The following TSPAN12 variants were observed in gnomAD, a reference collection of about 807,000 sequenced individuals.
TSPAN12 encodes tetraspanin-12.
A neutral mutation model predicts 39.2 loss-of-function variants in TSPAN12; 19 were observed. The ratio of observed to expected loss-of-function variants is 0.49; its 90% CI spans 0.34 to 0.71. The LOEUF (loss-of-function observed/expected upper bound fraction) is 0.71. Among genes scored for constraint, TSPAN12 ranks in the 30% least tolerant of loss-of-function variants. The pLI, the probability that TSPAN12 is intolerant of heterozygous loss-of-function variation, is 0.01. For missense variants in TSPAN12, 314 were observed against 359.9 expected (o/e 0.87, Z 1.03); for synonymous variants, 119 against 124.8 (o/e 0.95, Z 0.31).
chr7:120,828,335 G>C (rs1187322900), intron 4 of TSPAN12, among the ~76,000 whole-genome samples: 1 of 152,122 alleles, frequency 6.6e-6, no homozygotes. Flanking sequence ...CAAAACTTCA[G>C]ATCACAGAGT....
In TSPAN12 at chr7:120,800,211, T is replaced by A. The variant is rs2116326159; in HGVS notation, c.612+6338A>T. On this transcript the variant is annotated intron_variant, in intron 7 of 7. Coordinates refer to ENST00000222747, the MANE Select transcript of TSPAN12 (RefSeq NM_012338.4). ...GAGTGTGAATTCATGAACTCAAACATCATACAACACTCAACGGAGAGAATA... is the reference window on the plus strand; with the variant it reads ...GAGTGTGAATTCATGAACTCAAACAACATACAACACTCAACGGAGAGAATA... Among the ~76,000 whole-genome samples the A allele has an allele frequency of 2.6e-5, 4 of 152,142 alleles. No individual in the cohort carries two copies. In the South Asian group the frequency reaches 8.3e-4, roughly 32 times the overall value.
chr7:120,827,374 A>G (rs1316295031), intron 4 of TSPAN12, among the ~76,000 whole-genome samples: 3 of 152,218 alleles, frequency 2.0e-5, no homozygotes, highest in Non-Finnish European at 4.4e-5. Flanking sequence ...AAATATATTC[A>G]TGCACATACA....
intron 2 of TSPAN12, among the ~76,000 whole-genome samples, chr7:120,841,642 T>G (rs1309813192): frequency 9.3e-6 from 1 of 108,078 alleles, no homozygotes; most frequent in Non-Finnish European, 2.0e-5. Flanking sequence ...TATTATTTTT[T>G]AAAAGGTCTT....
chr7:120,819,528 T>C (rs1794148043), intron 4 of TSPAN12, among the ~76,000 whole-genome samples: 1 of 152,158 alleles, frequency 6.6e-6, no homozygotes, highest in Non-Finnish European at 1.5e-5. Flanking sequence ...TCAGGAACAC[T>C]GATTTGTTTG....
intron 4 of TSPAN12, among the ~76,000 whole-genome samples, chr7:120,827,374 A>T (rs1316295031): frequency 6.6e-6 from 1 of 152,218 alleles, no homozygotes; most frequent in African/African-American, 2.4e-5. Context: ...AAATATATTC[A>T]TGCACATACA....
At chr7:120,849,763 G>GT (rs1794736634) in intron 2 of TSPAN12, among the ~76,000 whole-genome samples, 1 of 152,122 alleles carries the variant, frequency 6.6e-6, no homozygotes, top group Non-Finnish European at 1.5e-5. Context: ...TTTTTCTGGT[G>GT]TTTTTTTCTG....
At chr7:120,839,943 G>T in intron 3 of TSPAN12, 84 bp downstream of exon 3, 1 of 1,133,634 alleles carries the variant, frequency 8.8e-7, no homozygotes, top group Non-Finnish European at 1.3e-6. Context: ...AAAGATCAAG[G>T]AAGAGCACTA....
chr7:120,812,471 A>C (rs761299662), intron 5 of TSPAN12, among the ~76,000 whole-genome samples: 1 of 152,218 alleles, frequency 6.6e-6, no homozygotes, highest in Non-Finnish European at 1.5e-5. Flanking sequence ...TGAGCAAATA[A>C]GGCTCCAACA....
chr7:120,807,341 T>C (rs1029005219), intron 6 of TSPAN12, among the ~76,000 whole-genome samples: 18 of 152,128 alleles, frequency 1.2e-4, no homozygotes, highest in Admixed American at 2.0e-4. Context: ...TAAAATTGGA[T>C]TTAAGAAAAA....
chr7:120,857,643 G>A (rs1794900714), intron 1 of TSPAN12, among the ~76,000 whole-genome samples, 177 bp downstream of exon 1: 1 of 152,092 alleles, frequency 6.6e-6, no homozygotes, highest in Admixed American at 6.5e-5. Context: ...CAAAGCGAGC[G>A]CGGCCACCGA....
intron 5 of TSPAN12, 56 bp downstream of exon 5, chr7:120,815,673 A>G: frequency 1.4e-6 from 2 of 1,471,966 alleles, no homozygotes; most frequent in Non-Finnish European, 1.9e-6. Flanking sequence ...ACAAGTATCT[A>G]ATTTAAAAGG....
intron 7 of TSPAN12, among the ~76,000 whole-genome samples, chr7:120,799,698 AATTATT>A (rs1043219161): frequency 8.7e-6 from 1 of 115,422 alleles, no homozygotes; most frequent in African/African-American, 3.6e-5. Context: ...TTAATTATAT[AATTATT>A]ATATTATATT....
chr7:120,830,230 G>T (rs1794365327), intron 4 of TSPAN12, among the ~76,000 whole-genome samples: 1 of 151,988 alleles, frequency 6.6e-6, no homozygotes, highest in South Asian at 2.1e-4. Context: ...TATCCAAAGT[G>T]ACCTACAAAT....
chr7:120,853,633 G>A (rs559131962), intron 2 of TSPAN12, among the ~76,000 whole-genome samples: 5 of 150,866 alleles, frequency 3.3e-5, no homozygotes, highest in African/African-American at 1.2e-4. Flanking sequence ...CCAGCACTTT[G>A]AGAGGCCGAG....
At chr7:120,842,603 G>C (rs1237083831) in intron 2 of TSPAN12, among the ~76,000 whole-genome samples, 2 of 152,034 alleles carry the variant, frequency 1.3e-5, no homozygotes, top group Non-Finnish European at 2.9e-5. Flanking sequence ...TTGAGAAACA[G>C]GCATGGTATG....
At chr7:120,805,700 T>A (rs750221671) in intron 7 of TSPAN12, among the ~76,000 whole-genome samples, 1 of 152,106 alleles carries the variant, frequency 6.6e-6, no homozygotes, top group Non-Finnish European at 1.5e-5. Context: ...ATGTCTTACA[T>A]CTGCATTGTC....
chr7:120,856,895 C>G (rs1245376600), intron 1 of TSPAN12, 62 bp from the exon 2 acceptor site: 1 of 980,988 alleles, frequency 1.0e-6, no homozygotes, highest in Non-Finnish European at 1.6e-6. Flanking sequence ...CACAGCCTGC[C>G]CGTCCCTCCT....
chr7:120,836,547 C>T (rs1396216368), intron 4 of TSPAN12, among the ~76,000 whole-genome samples: 2 of 152,194 alleles, frequency 1.3e-5, no homozygotes, highest in Non-Finnish European at 2.9e-5. Flanking sequence ...TGGCACTGAA[C>T]CCTTCGGGCT....
intron 4 of TSPAN12, among the ~76,000 whole-genome samples, chr7:120,831,192 T>C (rs890014889): frequency 1.2e-4 from 19 of 152,138 alleles, no homozygotes; most frequent in African/African-American, 4.6e-4. Flanking sequence ...GGTACACTGT[T>C]TGAGTAAATA....
Sources: allele counts gnomAD v4.1 joint callset (sites outside exome capture counted in the v4.1 genomes callset), GRCh38; gene constraint gnomAD v4.1.1; transcripts MANE v1.5; gene names NCBI Gene and HGNC (gene_info 2026-07-23, HGNC 2026-07-21).